OTOGL: variants seen among roughly 807,000 people sequenced by gnomAD.
OTOGL encodes otogelin like, also known as otogelin-like protein.
In OTOGL, 285 loss-of-function variants were observed where a neutral mutation model predicts 318.5. The ratio of observed to expected loss-of-function variants is 0.89; its 90% confidence interval spans 0.81 to 0.99. The LOEUF (loss-of-function observed/expected upper bound fraction) is 0.99. OTOGL is among the 50% of genes least tolerant of loss of function. OTOGL has a pLI of 0.00. For missense variants in OTOGL, 2,899 were observed against 2,845.6 expected, an observed-to-expected ratio of 1.02 and a Z score of -0.43; for synonymous variants, 987 against 936.5, an observed-to-expected ratio of 1.05 and a Z score of -0.99.
intron 26 of OTOGL, among the ~76,000 whole-genome samples, chr12:80,279,543 C>T (rs949358888): frequency 2.6e-5 from 4 of 151,508 alleles, no homozygotes; most frequent in African/African-American, 9.7e-5. Flanking sequence ...TGAGAACATG[C>T]GGTATTTGGT....
chr12:80,211,709 C>T (rs933170104), intron 3 of OTOGL, among the ~76,000 whole-genome samples: 1 of 152,094 alleles, frequency 6.6e-6, no homozygotes, highest in African/African-American at 2.4e-5. Flanking sequence ...ATATTCAGTT[C>T]ACATCAAAGA....
rs1267145288 is a variant in OTOGL, at chr12:80,244,802, A to G, written c.1052+5363A>G. 4.8e-5 allele frequency among the ~76,000 whole-genome samples: 7 copies of G among 144,740 alleles called. No individual in the cohort carries two copies. The East Asian group carries it at 8.0e-4, about 17-fold the overall frequency. The allele number at this position is 144,740 out of a possible 152,430, so 95.0% of individuals were successfully genotyped here. A position where few individuals can be genotyped will look rare whatever the true frequency, so the allele number is the denominator to read the frequency against. ...CCACCAACAGTGTAAAAGTGTTCCT[A>G]TTTCTCCACATCCTCTCCAGCACCT... On this transcript the variant is annotated intron_variant, in intron 11 of 58. Coordinates refer to ENST00000547103, the MANE Select transcript of OTOGL (RefSeq NM_001378609.3).
intron 1 of OTOGL, among the ~76,000 whole-genome samples, chr12:80,108,800 T>C (rs1378643235): frequency 5.1e-5 from 4 of 78,464 alleles, no homozygotes; most frequent in Non-Finnish European, 9.4e-5. Flanking sequence ...TATATATATA[T>C]GTATATATAT....
chr12:80,270,224 T>C, intron 23 of OTOGL, 70 bp downstream of exon 23: 4 of 1,288,586 alleles, frequency 3.1e-6, no homozygotes, highest in Non-Finnish European at 4.4e-6. Context: ...CTGGCAGAAG[T>C]CATCAATCAC....
At position 80,265,090 on chromosome 12, in the gene OTOGL, T is replaced by A; in HGVS notation, c.2104T>A (p.Cys702Ser). 6.2e-7 allele frequency: 1 copy of A among 1,613,924 alleles called. No homozygotes were observed. Among genetic ancestry groups the A allele is most frequent in the Non-Finnish European group, 8.5e-7 (1 of 1,179,870 alleles). ...TAGCCCTGGGCTGTACTATCAGCTATGCCGCCACGATGCATGCAAGTGTGG... is the reference window on the plus strand; with the variant it reads ...TAGCCCTGGGCTGTACTATCAGCTAAGCCGCCACGATGCATGCAAGTGTGG... ...YISPGLYYQL[C>S]RHDACKCGSS... Residue 702 changes from cysteine (C) to serine (S), a missense_variant, in exon 20 of 59, where the codon TGC (cysteine) becomes AGC (serine). By Grantham distance (112) the Cys-to-Ser change is moderately radical. This residue lies in a region of OTOGL where 2,607 missense variants were observed against 2,524.9 expected (regional missense o/e 1.03). Transcript: ENST00000547103.
chr12:80,216,119 A>G (rs1263322574), intron 4 of OTOGL, among the ~76,000 whole-genome samples: 1 of 151,548 alleles, frequency 6.6e-6, no homozygotes, highest in Non-Finnish European at 1.5e-5. Context: ...AGTTAAGCCC[A>G]GCCCAGGAAA....
intron 38 of OTOGL, 79 bp from the exon 39 acceptor site, chr12:80,335,884 A>G: frequency 7.7e-7 from 1 of 1,301,680 alleles, no homozygotes; most frequent in Non-Finnish European, 1.0e-6. Context: ...ACCATGGGCA[A>G]TATGAATGTG....
At chr12:80,266,692 G>T in intron 21 of OTOGL, 76 bp downstream of exon 21, 2 of 1,352,596 alleles carry the variant, frequency 1.5e-6, no homozygotes, top group Non-Finnish European at 2.0e-6. Flanking sequence ...AGCTTTCATG[G>T]AAGTTTTTGA....
At position 80,207,609 on chromosome 12, in the gene OTOGL, G is replaced by A. The variant is rs566788871; in HGVS notation, c.-19-1804G>A. Among the ~76,000 whole-genome samples, 10 of 152,284 alleles carry A rather than the reference G, an allele frequency of 6.6e-5. No individual in the cohort carries two copies. In the East Asian group the frequency reaches 1.3e-3, roughly 21 times the overall value. Reference sequence around the variant, plus strand: ...ATAGATTTTTCATAGTGTAGGTTAAGTTATATGGGAAACTGTGAAGGCAAG... The same window carrying A: ...ATAGATTTTTCATAGTGTAGGTTAAATTATATGGGAAACTGTGAAGGCAAG... On this transcript the variant is annotated intron_variant, in intron 1 of 58. Transcript: ENST00000547103.
At chr12:80,277,794 G>A (rs557620593) in intron 24 of OTOGL, among the ~76,000 whole-genome samples, 86 of 151,550 alleles carry the variant, frequency 5.7e-4, no homozygotes, top group African/African-American at 2.0e-3. Flanking sequence ...TCAGAAAATT[G>A]TAGGCCCTAT....
chr12:80,141,573 C>T (rs1030964615), intron 1 of OTOGL, among the ~76,000 whole-genome samples: 16 of 152,090 alleles, frequency 1.1e-4, no homozygotes, highest in African/African-American at 3.9e-4. Context: ...AAAAGGTGTT[C>T]TCTAACAACA....
chr12:80,259,858 C>T (rs964545223), intron 18 of OTOGL, among the ~76,000 whole-genome samples: 1 of 151,952 alleles, frequency 6.6e-6, no homozygotes. Flanking sequence ...TTGCCCATAC[C>T]CTCCTTCCTG....
chr12:80,334,573 A>G (rs1348440740), intron 38 of OTOGL, among the ~76,000 whole-genome samples: 1 of 152,164 alleles, frequency 6.6e-6, no homozygotes, highest in Non-Finnish European at 1.5e-5. Context: ...TACAACTTTC[A>G]TAGGTTGAGA....
At chr12:80,371,061 T>C (rs1388722686) in intron 56 of OTOGL, among the ~76,000 whole-genome samples, 41 of 152,086 alleles carry the variant, frequency 2.7e-4, no homozygotes, top group Non-Finnish European at 2.1e-4. Flanking sequence ...GTCATTCAAC[T>C]GTAATGCATG....
chr12:80,134,774 G>A (rs1871445036), intron 1 of OTOGL, among the ~76,000 whole-genome samples: 1 of 152,082 alleles, frequency 6.6e-6, no homozygotes, highest in Non-Finnish European at 1.5e-5. Context: ...TATGCTCTTT[G>A]TCTATGTTTA....
intron 26 of OTOGL, among the ~76,000 whole-genome samples, chr12:80,286,363 G>C (rs1884620996): frequency 6.6e-6 from 1 of 152,144 alleles, no homozygotes; most frequent in Admixed American, 6.5e-5. Flanking sequence ...GCCGGGTTTT[G>C]GTATCAGGAT....
chr12:80,128,829 C>A lies in OTOGL; in HGVS notation c.-20+29224C>A, dbSNP rs568045734. On this transcript the variant is annotated intron_variant, in intron 1 of 58. Coordinates refer to ENST00000547103, the MANE Select transcript of OTOGL (RefSeq NM_001378609.3). ...TGAGCGAGGCTTCGTAGGCATAGGA[C>A]CCTCTGAGCCAGGTGCGGGATACAA... is the stretch of plus-strand genomic sequence containing the variant. Among the ~76,000 whole-genome samples, 17 of 152,316 alleles carry A rather than the reference C, an allele frequency of 1.1e-4. No homozygotes were observed. In the South Asian group the frequency reaches 3.5e-3, roughly 32 times the overall value.
chr12:80,281,422 C>T (rs1324001579), intron 26 of OTOGL, among the ~76,000 whole-genome samples: 2 of 151,660 alleles, frequency 1.3e-5, no homozygotes, highest in African/African-American at 2.4e-5. Flanking sequence ...GAATTTTATC[C>T]AAAGCTTTTT....
chr12:80,208,217 T>C (rs1876960624), intron 1 of OTOGL: 2 of 518,138 alleles, frequency 3.9e-6, no homozygotes, highest in Non-Finnish European at 7.7e-6. Flanking sequence ...AAAGGAATTA[T>C]GGTTATCTAG....
Sources: allele counts gnomAD v4.1 joint callset (sites outside exome capture counted in the v4.1 genomes callset), GRCh38; gene constraint gnomAD v4.1.1; regional missense constraint gnomAD v4.1.1; transcripts MANE v1.5; gene names NCBI Gene and HGNC (gene_info 2026-07-23, HGNC 2026-07-21).